Variants in TRPV3 observed in about 807,000 individuals in gnomAD.
TRPV3 encodes transient receptor potential cation channel subfamily V member 3.
A neutral mutation model predicts 87.1 loss-of-function variants in TRPV3; 88 were observed. That is an observed-to-expected ratio of 1.01 (90% confidence interval 0.85 to 1.21). The LOEUF (loss-of-function observed/expected upper bound fraction) is 1.21, where lower values mean the gene tolerates loss of function less well. TRPV3 is among the 50% of genes most tolerant of loss of function. The pLI, the probability that TRPV3 is intolerant of heterozygous loss-of-function variation, is 0.00. For synonymous variants in TRPV3, 438 were observed against 423.3 expected (o/e 1.03, Z -0.43); for missense variants, 1,054 against 1,030.1 (o/e 1.02, Z -0.32).
intron 2 of TRPV3, among the ~76,000 whole-genome samples, chr17:3,546,967 C>CAA (rs59021941): frequency 8.1e-6 from 1 of 123,590 alleles, no homozygotes; most frequent in African/African-American, 3.5e-5. Flanking sequence ...GACTCCTTCT[C>CAA]AAAAAAAAAA....
rs910571149 is a variant in TRPV3 at position 3,557,030 on chromosome 17, G to T, written c.-3+646C>A. On this transcript the variant is annotated intron_variant, in intron 1 of 17. Coordinates refer to ENST00000576742, the MANE Select transcript of TRPV3 (RefSeq NM_145068.4). The surrounding 1 kb of genome is among the most constrained non-coding windows in gnomAD (Gnocchi z 4.5). ...TTCTCTGGGCCCGAGAATGTGGCCT[G>T]CCCTGGGCCTCTGGGGCAGGAGAGG... Among the ~76,000 whole-genome samples the T allele has an allele frequency of 2.6e-5, 4 of 152,174 alleles. No individual in the cohort carries two copies. The highest frequency in any genetic ancestry group is 6.8e-3 in the Middle Eastern group (2 of 294).
intron 12 of TRPV3, among the ~76,000 whole-genome samples, chr17:3,525,897 G>A (rs911316873): frequency 6.6e-6 from 1 of 152,092 alleles, no homozygotes; most frequent in African/African-American, 2.4e-5. Context: ...TTACAAGCAT[G>A]ACCCATCGTG....
At chr17:3,553,592 C>G (rs538851286) in intron 2 of TRPV3, 3 of 152,790 alleles carry the variant, frequency 2.0e-5, no homozygotes, top group African/African-American at 4.8e-5. Flanking sequence ...CACATCCTCT[C>G]TAGCACCACC....
chr17:3,523,718 C>CAAAAAAAAA (rs201681037), intron 13 of TRPV3, among the ~76,000 whole-genome samples: 2 of 78,636 alleles, frequency 2.5e-5, no homozygotes, highest in Non-Finnish European at 2.6e-5. Flanking sequence ...ACTTGGTCTC[C>CAAAAAAAAA]AAAAAAAAAA....
chr17:3,514,598 C>T lies in TRPV3; in HGVS notation c.2273G>A (p.Arg758Gln), dbSNP rs762109101. The change falls in exon 17 of 18, where the codon CGA (arginine) becomes CAA (glutamine). Residue 758 changes from arginine (R) to glutamine (Q), a missense_variant. Arg to Gln is a conservative substitution (Grantham distance 43). Coordinates refer to ENST00000576742, the MANE Select transcript of TRPV3 (RefSeq NM_145068.4). Reference protein sequence around the residue: ...FLNEDPGPVRRTDFNKIQDSS... With the variant: ...FLNEDPGPVRQTDFNKIQDSS... Reference sequence around the variant, plus strand: ...TCACCTCACAGCGACAGTACCTGTTCGTCTTACAGGCCCCGGGTCTTCGTT... The same window carrying T: ...TCACCTCACAGCGACAGTACCTGTTTGTCTTACAGGCCCCGGGTCTTCGTT... The T allele has an allele frequency of 1.5e-5, 24 of 1,612,668 alleles. No homozygotes were observed. The highest frequency in any genetic ancestry group is 8.3e-5 in the Admixed American group (5 of 60,008).
At chr17:3,549,027 C>T (rs1219622976) in intron 2 of TRPV3, among the ~76,000 whole-genome samples, 3 of 152,142 alleles carry the variant, frequency 2.0e-5, no homozygotes, top group African/African-American at 7.2e-5. Context: ...GAACTTTTGC[C>T]CTAAAGTAGT....
chr17:3,521,961 A>T (rs1443338140), intron 13 of TRPV3, among the ~76,000 whole-genome samples: 7 of 152,138 alleles, frequency 4.6e-5, no homozygotes. Context: ...CTGTGATCCC[A>T]GCTACTCCAG....
At chr17:3,539,443 G>A (rs548903333) in intron 6 of TRPV3, 3 of 152,122 alleles carry the variant, frequency 2.0e-5, no homozygotes, top group Non-Finnish European at 4.4e-5. Context: ...CTTGAGCCCC[G>A]GAGTTACAGA....
At position 3,532,623 on chromosome 17, in the gene TRPV3, C is replaced by T. The variant is rs370203925; in HGVS notation, c.1065+34G>A. 3.1e-5 allele frequency: 50 copies of T among 1,608,082 alleles called. 1 individual carries two copies. Among genetic ancestry groups the T allele is most frequent in the South Asian group, 5.5e-5 (5 of 90,628 alleles). The stretch of plus-strand genomic sequence containing the variant: ...GTGGCAGCTGTACCTCCTGACCTCC[C>T]GACCTCCTGCCTCCCCACGCCCCAT... On this transcript the variant is annotated intron_variant, in intron 8 of 17. Coordinates refer to ENST00000576742, the MANE Select transcript of TRPV3 (RefSeq NM_145068.4).
At chr17:3,521,247 G>T (rs1210885892) in intron 13 of TRPV3, among the ~76,000 whole-genome samples, 3 of 151,722 alleles carry the variant, frequency 2.0e-5, no homozygotes, top group Admixed American at 2.0e-4. Flanking sequence ...TTCTGCTCCA[G>T]CCCCAGGTTC....
intron 2 of TRPV3, 116 bp from the exon 3 acceptor site, chr17:3,545,387 C>T (rs1454326157): frequency 4.3e-6 from 3 of 703,008 alleles, no homozygotes; most frequent in Non-Finnish European, 7.1e-6. Context: ...CTGGCCAGCT[C>T]TGAGCCCAAA....
At chr17:3,555,630 G>A (rs867367027) in intron 1 of TRPV3, among the ~76,000 whole-genome samples, 10 of 152,128 alleles carry the variant, frequency 6.6e-5, no homozygotes, top group East Asian at 5.8e-4. Context: ...GCTGGGCACC[G>A]TGCTGAGCTC....
At chr17:3,552,031 T>C (rs886653438) in intron 2 of TRPV3, among the ~76,000 whole-genome samples, 4 of 144,714 alleles carry the variant, frequency 2.8e-5, no homozygotes, top group Non-Finnish European at 3.0e-5. Flanking sequence ...TACAGGTGCC[T>C]ACCACAGCAT....
rs1047963811 is a variant in TRPV3, at chr17:3,557,513, C to G, written c.-3+163G>C. 1.3e-5 allele frequency among the ~76,000 whole-genome samples: 2 copies of G among 152,232 alleles called. No individual in the cohort carries two copies. The highest frequency in any genetic ancestry group is 4.8e-5 in the African/African-American group (2 of 41,462). On this transcript the variant is annotated intron_variant, in intron 1 of 17. Coordinates refer to ENST00000576742, the MANE Select transcript of TRPV3 (RefSeq NM_145068.4). The surrounding 1 kb of genome is among the most constrained non-coding windows in gnomAD (Gnocchi z 4.5). Reference sequence around the variant, plus strand: ...GAGTGCAGCCAAGAGTGCCTCCCTACAGCCAAGAGTGGGCCCCTGGCTGGG... The same window carrying G: ...GAGTGCAGCCAAGAGTGCCTCCCTAGAGCCAAGAGTGGGCCCCTGGCTGGG...
chr17:3,537,613 G>A (rs2074419125), intron 6 of TRPV3, among the ~76,000 whole-genome samples: 3 of 152,130 alleles, frequency 2.0e-5, no homozygotes, highest in Non-Finnish European at 4.4e-5. Context: ...AAAAGGCAAT[G>A]TGTTTTAGGG....
rs192079290 is a variant in TRPV3 at position 3,536,988 on chromosome 17, T to C, written c.644-1275A>G. ...TAAAGAACCAAGCTTTAAGACACAT[T>C]AGAAAGTTTGTTTATAGCTAACCTT... On this transcript the variant is annotated intron_variant, in intron 6 of 17. Coordinates refer to ENST00000576742, the MANE Select transcript of TRPV3 (RefSeq NM_145068.4). Among the ~76,000 whole-genome samples the C allele has an allele frequency of 7.9e-5, 12 of 152,304 alleles. No individual in the cohort carries two copies. The East Asian group carries it at 2.3e-3, about 29-fold the overall frequency.
chr17:3,535,346 CCCTT>C (rs562989108), intron 7 of TRPV3, among the ~76,000 whole-genome samples: 316 of 114,528 alleles, frequency 2.8e-3, no homozygotes, highest in Non-Finnish European at 4.4e-3. Flanking sequence ...TCTCCCTCCT[CCCTT>C]CCTTCCTCCC....
rs1382574192 is a variant in TRPV3 at position 3,513,930 on chromosome 17, T to C, written c.2360A>G (p.Glu787Gly). ...TGGGTTCCGCTTCTACACCGAGGTT[T>C]CCGGGAATTCCTCGACTTCTTCAAA... Reference protein sequence around the residue: ...NAFEEVEEFPETSV With the variant: ...NAFEEVEEFPGTSV Residue 787 changes from glutamate to glycine, a missense_variant, in exon 18 of 18, where the codon GAA becomes GGA. Glu to Gly is a moderately conservative substitution (Grantham distance 98). Coordinates refer to ENST00000576742, the MANE Select transcript of TRPV3 (RefSeq NM_145068.4). 2.5e-6 allele frequency: 4 copies of C among 1,614,126 alleles called. No homozygotes were observed. Among genetic ancestry groups the C allele is most frequent in the Admixed American group, 1.7e-5 (1 of 60,022 alleles).
At position 3,548,993 on chromosome 17, in the gene TRPV3, T is replaced by G. The variant is rs117839303; in HGVS notation, c.120-3722A>C. Among the ~76,000 whole-genome samples the G allele has an allele frequency of 1.8e-3, 273 of 152,224 alleles. 2 individuals carry two copies. In the East Asian group the frequency reaches 0.031, roughly 17 times the overall value. ...GAGGTCAACCAGTCTGATTGCCACTTCCCTGCGGCCCTGCAGTGCCCCAGA... is the reference window on the plus strand; with the variant it reads ...GAGGTCAACCAGTCTGATTGCCACTGCCCTGCGGCCCTGCAGTGCCCCAGA... On this transcript the variant is annotated intron_variant, in intron 2 of 17. Coordinates refer to ENST00000576742, the MANE Select transcript of TRPV3 (RefSeq NM_145068.4).
Sources: allele counts gnomAD v4.1 joint callset (sites outside exome capture counted in the v4.1 genomes callset), GRCh38; gene constraint gnomAD v4.1.1; non-coding constraint Gnocchi (gnomAD v3.1); transcripts MANE v1.5; gene names NCBI Gene and HGNC (gene_info 2026-07-23, HGNC 2026-07-21).